POLR1D: variants seen among roughly 807,000 people sequenced by gnomAD.
POLR1D encodes the protein RNA polymerase I and III subunit D.
Under a neutral mutation model 10.8 loss-of-function variants are expected in POLR1D, and 8 were observed. The observed-to-expected ratio is 0.74, with a 90% confidence interval of 0.43 to 1.33. The LOEUF is 1.33. POLR1D is among the 40% of genes most tolerant of loss of function. The probability of loss-of-function intolerance (pLI) is 0.01; values close to 1 mark genes in which losing one functional copy is unlikely to be tolerated. For synonymous variants in POLR1D, 54 were observed against 57.2 expected (o/e 0.94, Z 0.25); for missense variants, 152 against 161.7 (o/e 0.94, Z 0.32).
intron 1 of POLR1D, among the ~76,000 whole-genome samples, chr13:27,647,382 A>T (rs1192694893): frequency 1.3e-5 from 2 of 151,310 alleles, no homozygotes; most frequent in African/African-American, 4.8e-5. Context: ...AAATTTTTTT[A>T]TTATTATTAT....
chr13:27,646,782 A>G (rs1475095092), intron 1 of POLR1D, among the ~76,000 whole-genome samples: 1 of 152,190 alleles, frequency 6.6e-6, no homozygotes, highest in African/African-American at 2.4e-5. Context: ...AAAAAAGTTG[A>G]AATTGTTTTC....
intron 1 of POLR1D, among the ~76,000 whole-genome samples, chr13:27,634,224 CAT>C (rs1412152121): frequency 4.6e-5 from 7 of 152,116 alleles, no homozygotes; most frequent in Admixed American, 1.3e-4. Context: ...GGTTGGAAAA[CAT>C]AAAGGATTCT....
chr13:27,630,439 T>C (rs1956061763), intron 1 of POLR1D, among the ~76,000 whole-genome samples: 1 of 152,170 alleles, frequency 6.6e-6, no homozygotes, highest in Non-Finnish European at 1.5e-5. Flanking sequence ...AACAACAGCT[T>C]GGGGTTACAA....
chr13:27,632,035 G>A (rs1196465569), intron 1 of POLR1D, among the ~76,000 whole-genome samples: 1 of 152,148 alleles, frequency 6.6e-6, no homozygotes, highest in Non-Finnish European at 1.5e-5. Context: ...AGAGAGCCTT[G>A]ATAAAGGTGG....
chr13:27,649,724 C>T (rs1037418297), intron 2 of POLR1D, among the ~76,000 whole-genome samples: 8 of 152,132 alleles, frequency 5.3e-5, no homozygotes, highest in African/African-American at 1.9e-4. Flanking sequence ...TTCTAGTTCT[C>T]TTCACAGAAA....
chr13:27,637,942 T>G (rs1956141243), intron 1 of POLR1D, among the ~76,000 whole-genome samples: 1 of 152,150 alleles, frequency 6.6e-6, no homozygotes. Context: ...AATTTTTTTT[T>G]TGTATAGTAT....
intron 1 of POLR1D, among the ~76,000 whole-genome samples, chr13:27,642,791 T>C (rs891953026): frequency 2.0e-5 from 3 of 152,220 alleles, no homozygotes; most frequent in African/African-American, 7.2e-5. Flanking sequence ...TATTTTATCC[T>C]CATAACAACC....
intron 2 of POLR1D, among the ~76,000 whole-genome samples, chr13:27,652,966 C>T (rs560777347): frequency 4.3e-5 from 5 of 115,028 alleles, no homozygotes; most frequent in African/African-American, 1.1e-4. Flanking sequence ...GTCGCTGGAT[C>T]TCAGCTCACT....
At chr13:27,629,460 A>G (rs150109521) in intron 1 of POLR1D, among the ~76,000 whole-genome samples, 1 of 152,350 alleles carries the variant, frequency 6.6e-6, no homozygotes, top group Non-Finnish European at 1.5e-5. Flanking sequence ...TATTAATGTT[A>G]TTATTGTAAT....
exon 3 of POLR1D, chr13:27,667,091 A>G (rs964637728): frequency 1.3e-5 from 2 of 152,174 alleles, no homozygotes; most frequent in African/African-American, 4.8e-5. Flanking sequence ...AGAAACTAGA[A>G]TAGACCTCTC....
intron 1 of POLR1D, among the ~76,000 whole-genome samples, chr13:27,634,148 G>A (rs1371099897): frequency 6.6e-6 from 1 of 152,100 alleles, no homozygotes; most frequent in African/African-American, 2.4e-5. Flanking sequence ...GGGATTCCAG[G>A]GGCTTATGAT....
chr13:27,641,649 A>G (rs1196335995), intron 1 of POLR1D, among the ~76,000 whole-genome samples: 1 of 152,212 alleles, frequency 6.6e-6, no homozygotes. Flanking sequence ...TATAACTTTT[A>G]CATGTTTGGA....
chr13:27,627,475 A>G (rs993145755), downstream of POLR1D, among the ~76,000 whole-genome samples: 2 of 152,190 alleles, frequency 1.3e-5, no homozygotes, highest in African/African-American at 4.8e-5. Context: ...CACATGAAAA[A>G]GAAAACCAAT....
chr13:27,665,533 G>T, intron 2 of POLR1D: 1 of 716,172 alleles, frequency 1.4e-6, no homozygotes, highest in Non-Finnish European at 2.5e-6. Flanking sequence ...GGTACTCAGA[G>T]TTTACACTAG....
chr13:27,648,921 C>T, intron 2 of POLR1D, among the ~76,000 whole-genome samples: 1 of 152,168 alleles, frequency 6.6e-6, no homozygotes, highest in East Asian at 1.9e-4. Flanking sequence ...CAAAATAGAG[C>T]TTGTTAAAAC....
Position 27,642,841 on chromosome 13 carries a change from G to T in POLR1D, c.27-5538G>T, listed in dbSNP as rs1391620933. On this transcript the variant is annotated intron_variant, in intron 1 of 2. Transcript: ENST00000399697. Reference sequence around the variant, plus strand: ...TTATCATCATTGCAAAAAGCAATCTGCAGTATCTTTGTCTTATTTTTCCAC... The same window carrying T: ...TTATCATCATTGCAAAAAGCAATCTTCAGTATCTTTGTCTTATTTTTCCAC... 2.6e-5 allele frequency among the ~76,000 whole-genome samples: 4 copies of T among 152,134 alleles called. 1 individual carries two copies. Among genetic ancestry groups the T allele is most frequent in the Non-Finnish European group, 5.9e-5 (4 of 68,022 alleles).
chr13:27,623,863 G>C (rs755791796), downstream of POLR1D, among the ~76,000 whole-genome samples: 1 of 152,198 alleles, frequency 6.6e-6, no homozygotes, highest in Non-Finnish European at 1.5e-5. Flanking sequence ...TTACAGGAAA[G>C]ATACCAGTTT....
At chr13:27,647,480 C>T (rs1292691264) in intron 1 of POLR1D, among the ~76,000 whole-genome samples, 1 of 152,088 alleles carries the variant, frequency 6.6e-6, no homozygotes, top group African/African-American at 2.4e-5. Flanking sequence ...ACCTCACCCT[C>T]CCAAAGTACT....
At chr13:27,633,409 G>A (rs151168928) in intron 1 of POLR1D, among the ~76,000 whole-genome samples, 73 of 152,302 alleles carry the variant, frequency 4.8e-4, no homozygotes, top group African/African-American at 1.0e-3. Context: ...TTCCCAGACC[G>A]ATAATATTTC....
Sources: gnomAD v4.1 joint callset for allele counts (sites outside exome capture counted in the v4.1 genomes callset) on GRCh38, gnomAD v4.1.1 for gene constraint, MANE v1.5 for transcripts, NCBI Gene and HGNC (gene_info 2026-07-23, HGNC 2026-07-21) for gene names.